PCDH11X: variants seen among roughly 807,000 people sequenced by gnomAD.
PCDH11X encodes protocadherin-11 X-linked.
PCDH11X carries 18 observed loss-of-function variants against 53.3 expected under a neutral mutation model. The ratio of observed to expected loss-of-function variants is 0.34; its 90% CI spans 0.23 to 0.50. PCDH11X has a LOEUF of 0.50. PCDH11X is among the 20% of genes least tolerant of loss of function. The probability of loss-of-function intolerance (pLI) is 0.98; values close to 1 mark genes in which losing one functional copy is unlikely to be tolerated. For missense variants in PCDH11X, 570 were observed against 1,032.4 expected (o/e 0.55, Z 6.14); for synonymous variants, 279 against 393.3 (o/e 0.71, Z 3.44).
At chrX:92,319,918 A>G (rs1412604422) in intron 8 of PCDH11X, among the ~76,000 whole-genome samples, 3 of 111,795 alleles carry the variant, frequency 2.7e-5, no homozygotes, top group Admixed American at 9.5e-5. Context: ...ACATATCACC[A>G]TTCATTTATA....
intron 8 of PCDH11X, among the ~76,000 whole-genome samples, chrX:92,266,225 T>C (rs949064148): frequency 7.8e-4 from 88 of 112,306 alleles, no homozygotes; most frequent in African/African-American, 2.7e-3. Flanking sequence ...GTTAAATTCA[T>C]TTCTTGAACT....
chrX:92,171,696 G>A lies in PCDH11X; in HGVS notation c.3034-29679G>A, dbSNP rs1374950636. 2.7e-5 allele frequency among the ~76,000 whole-genome samples: 3 copies of A among 111,060 alleles called. No individual in the cohort carries two copies. The Admixed American group carries it at 2.9e-4, about 11-fold the overall frequency. ...GCTGGTCTCGAACTCCTGACCTCAG[G>A]TGAGCTGCCTGCCTCAGTTTCCCAA... On this transcript the variant is annotated intron_variant, in intron 6 of 10. Coordinates refer to ENST00000682573, the MANE Select transcript of PCDH11X (RefSeq NM_032968.5).
intron 6 of PCDH11X, among the ~76,000 whole-genome samples, chrX:92,047,816 C>A (rs1281809456): frequency 9.3e-6 from 1 of 107,303 alleles, no homozygotes; most frequent in Non-Finnish European, 1.9e-5. Flanking sequence ...AAGGTTTTAG[C>A]ACCCCAGAAA....
chrX:91,844,031 A>G (rs752250703), intron 5 of PCDH11X, among the ~76,000 whole-genome samples: 13 of 111,604 alleles, frequency 1.2e-4, no homozygotes, highest in Admixed American at 1.1e-3. Flanking sequence ...CTAATGATGT[A>G]AGTAAAATCT....
At chrX:92,438,390 T>A (rs985778932) in intron 9 of PCDH11X, among the ~76,000 whole-genome samples, 1 of 111,477 alleles carries the variant, frequency 9.0e-6, no homozygotes, top group African/African-American at 3.3e-5. Flanking sequence ...ATGTTAATTA[T>A]GTATCATTTA....
At chrX:91,794,258 T>C (rs1169498013) in intron 1 of PCDH11X, among the ~76,000 whole-genome samples, 4 of 111,972 alleles carry the variant, frequency 3.6e-5, no homozygotes, top group Non-Finnish European at 7.5e-5. Flanking sequence ...CCTCCCTTTC[T>C]TTTGTCCATT....
intron 8 of PCDH11X, among the ~76,000 whole-genome samples, chrX:92,374,557 C>A (rs1281033173): frequency 9.1e-6 from 1 of 109,516 alleles, no homozygotes; most frequent in Admixed American, 9.8e-5. Context: ...TTTTTTCCTC[C>A]TAACAAATGA....
chrX:92,491,101 T>TAA (rs930646508), intron 10 of PCDH11X, among the ~76,000 whole-genome samples: 3 of 110,454 alleles, frequency 2.7e-5, no homozygotes, highest in African/African-American at 9.8e-5. Context: ...GGAAGAAAGG[T>TAA]AAAATATGAG....
intron 8 of PCDH11X, among the ~76,000 whole-genome samples, chrX:92,295,465 G>A (rs6618950): frequency 0.1 from 10,873 of 109,257 alleles, 753 homozygotes; most frequent in East Asian, 0.37. Flanking sequence ...TTTCCAATCT[G>A]TATGAATTTT....
At chrX:92,078,466 T>A (rs1377107436) in intron 6 of PCDH11X, among the ~76,000 whole-genome samples, 1 of 111,355 alleles carries the variant, frequency 9.0e-6, no homozygotes, top group Non-Finnish European at 1.9e-5. Context: ...ACGCTTATAA[T>A]ATTTGCAGGG....
chrX:92,222,376 C>T, intron 7 of PCDH11X, among the ~76,000 whole-genome samples: 1 of 111,449 alleles, frequency 9.0e-6, no homozygotes, highest in Non-Finnish European at 1.9e-5. Context: ...AAGTTGCATG[C>T]CTGTGAGACT....
chrX:92,194,219 C>G (rs1279140979), intron 6 of PCDH11X, among the ~76,000 whole-genome samples: 5 of 111,560 alleles, frequency 4.5e-5, no homozygotes, highest in African/African-American at 1.6e-4. Flanking sequence ...TTGAGCGATT[C>G]TCAGAGAGGT....
At chrX:92,215,695 G>A (rs1191645046) in intron 7 of PCDH11X, among the ~76,000 whole-genome samples, 1 of 102,671 alleles carries the variant, frequency 9.7e-6, no homozygotes, top group Non-Finnish European at 2.0e-5. Flanking sequence ...GCTTTGAAGA[G>A]AGCAGTGGTT....
chrX:92,077,622 GAGGAAGGAAGGAAGGAAGGAAGGA>G (rs768755254), intron 6 of PCDH11X, among the ~76,000 whole-genome samples: 1,684 of 96,149 alleles, frequency 0.018, 34 homozygotes, highest in African/African-American at 0.06. Flanking sequence ...GGAAGGAAGG[GAGGAAGGAAGGAAGGAAGGAAGGA>G]AGGAAGGAAG....
At chrX:91,958,400 T>A (rs1272585681) in intron 6 of PCDH11X, among the ~76,000 whole-genome samples, 1 of 111,550 alleles carries the variant, frequency 9.0e-6, no homozygotes, top group Non-Finnish European at 1.9e-5. Flanking sequence ...TGGGTGTCTG[T>A]GTGTGTCTGA....
In PCDH11X at chrX:92,553,220, T is replaced by C. The variant is rs1602317904; in HGVS notation, c.3368-65044T>C. ...GGGTCTCGGGCTTTTTTAACTGGGA[T>C]TTTTTTTTTTTTTATTAAGACTTTG... On this transcript the variant is annotated intron_variant, in intron 10 of 10. Transcript: ENST00000682573. Among the ~76,000 whole-genome samples, 3 of 10,212 alleles carry C rather than the reference T, an allele frequency of 2.9e-4. No individual in the cohort carries two copies. The South Asian group carries it at 9.0e-3, about 31-fold the overall frequency. 8.9% of individuals were successfully genotyped at this position (10,212 alleles called of 115,157 possible). A position where few individuals can be genotyped will look rare whatever the true frequency, so the allele number is the denominator to read the frequency against.
intron 9 of PCDH11X, among the ~76,000 whole-genome samples, chrX:92,462,031 C>T (rs1176845872): frequency 1.8e-5 from 2 of 111,915 alleles, no homozygotes; most frequent in African/African-American, 6.5e-5. Flanking sequence ...CTTTATAGTA[C>T]AGCAAATTTT....
chrX:92,003,499 G>A (rs1231663111), intron 6 of PCDH11X, among the ~76,000 whole-genome samples: 1 of 107,438 alleles, frequency 9.3e-6, no homozygotes, highest in African/African-American at 3.4e-5. Context: ...GTTTAGTCAT[G>A]GGGTCCCAGG....
intron 8 of PCDH11X, among the ~76,000 whole-genome samples, chrX:92,337,991 T>C (rs777922445): frequency 1.9e-4 from 21 of 111,389 alleles, no homozygotes; most frequent in Admixed American, 5.7e-4. Context: ...AATAGAAATA[T>C]CTTTGCCTAT....
Sources: allele counts gnomAD v4.1 joint callset (sites outside exome capture counted in the v4.1 genomes callset), GRCh38; gene constraint gnomAD v4.1.1; transcripts MANE v1.5; gene names NCBI Gene and HGNC (gene_info 2026-07-23, HGNC 2026-07-21).